Variants in TGM2 observed in about 807,000 individuals in gnomAD.
TGM2 encodes the protein protein-glutamine gamma-glutamyltransferase 2.
TGM2 carries 53 observed loss-of-function variants against 75.6 expected under a neutral mutation model. That is an observed-to-expected ratio of 0.70 (90% confidence interval 0.56 to 0.88). The LOEUF is 0.88. Ranked by LOEUF, TGM2 falls within the 40% of genes least tolerant of loss-of-function variation. TGM2 has a pLI of 0.00. For synonymous variants in TGM2, 374 were observed against 381.1 expected (o/e 0.98, Z 0.22); for missense variants, 842 against 928.5 (o/e 0.91, Z 1.21).
At chr20:38,164,417 G>A (rs961969991) in intron 1 of TGM2, among the ~76,000 whole-genome samples, 1 of 152,138 alleles carries the variant, frequency 6.6e-6, no homozygotes, top group African/African-American at 2.4e-5. Flanking sequence ...TGGGACCTAC[G>A]AGAGTGCTGC....
intron 1 of TGM2, among the ~76,000 whole-genome samples, chr20:38,163,381 T>G (rs1169912678): frequency 6.6e-6 from 1 of 152,232 alleles, no homozygotes; most frequent in African/African-American, 2.4e-5. Context: ...CACCATCGAC[T>G]ATTCCAAAAA....
chr20:38,156,133 C>T, intron 2 of TGM2, 44 bp from the exon 3 acceptor site: 1 of 1,597,098 alleles, frequency 6.3e-7, no homozygotes, highest in Non-Finnish European at 8.5e-7. Context: ...GGTAGCAGGG[C>T]TGGCAGGGCA....
chr20:38,141,972 C>A (rs2281197), intron 7 of TGM2, 92 bp downstream of exon 7: 30 of 1,528,296 alleles, frequency 2.0e-5, no homozygotes, highest in Middle Eastern at 3.4e-4. Context: ...AGGCCCAATT[C>A]AAATGTGACC....
chr20:38,133,224 T>C, intron 10 of TGM2: 1 of 221,780 alleles, frequency 4.5e-6, no homozygotes, highest in Non-Finnish European at 9.3e-6. Context: ...CTCGTGATGC[T>C]GTACCCGTTG....
Position 38,138,277 on chromosome 20 carries a change from T to C in TGM2, c.1451A>G (p.Asn484Ser). The C allele has an allele frequency of 6.2e-7, 1 of 1,614,164 alleles. No homozygotes were observed. The highest frequency in any genetic ancestry group is 8.5e-7 in the Non-Finnish European group (1 of 1,180,014). ...AAAGACGTCAAAGTCACTGCCCATG[T>C]TCATGCTCTGGCCCACACGGATCCG... The part of the protein sequence containing the change: ...AMRIRVGQSM[N>S]MGSDFDVFAH... Residue 484 changes from asparagine (N) to serine (S), a missense_variant, in exon 10 of 13, where the codon AAC becomes AGC. Asn to Ser is a conservative substitution (Grantham distance 46). Transcript: ENST00000361475.
At position 38,152,321 on chromosome 20, in the gene TGM2, T is replaced by A. The variant is rs45470591; in HGVS notation, c.434-1264A>T. Among the ~76,000 whole-genome samples the A allele has an allele frequency of 9.1e-3, 1,391 of 152,302 alleles. 27 individuals are homozygous for A. Among genetic ancestry groups the A allele is most frequent in the African/African-American group, 0.032 (1,322 of 41,556 alleles). ...GTCTGCAGCAACCAGCAGCCCTGAC[T>A]TTCATCGTAGTGAGGAAAAATGGGA... On this transcript the variant is annotated intron_variant, in intron 3 of 12. Coordinates refer to ENST00000361475, the MANE Select transcript of TGM2 (RefSeq NM_004613.4).
Position 38,149,658 on chromosome 20 carries a change from A to G in TGM2, c.552+1281T>C, listed in dbSNP as rs575241571. 1.1e-3 allele frequency among the ~76,000 whole-genome samples: 159 copies of G among 142,902 alleles called. 1 individual carries two copies. The highest frequency in any genetic ancestry group is 4.0e-3 in the African/African-American group (143 of 35,518). 93.7% of individuals were successfully genotyped at this position (142,902 alleles called of 152,430 possible). A position where few individuals can be genotyped will look rare whatever the true frequency, so the allele number is the denominator to read the frequency against. On this transcript the variant is annotated intron_variant, in intron 4 of 12. Transcript: ENST00000361475. ...TGCACCACTGCACTCCAGCCTGGGCAACAGAGCGAGACTCCGCCTCAAAAA... is the reference window on the plus strand; with the variant it reads ...TGCACCACTGCACTCCAGCCTGGGCGACAGAGCGAGACTCCGCCTCAAAAA...
chr20:38,141,355 C>T lies in TGM2; in HGVS notation c.1026G>A (p.Met342Ile). 6.3e-7 allele frequency: 1 copy of T among 1,588,580 alleles called. No individual in the cohort carries two copies. The highest frequency in any genetic ancestry group is 8.6e-7 in the Non-Finnish European group (1 of 1,167,346). ...ACCCCGGCTGCAGGTCCGGCCTGGT[C>T]ATCCACGACTCCACCCAGCAGTGGA... ...WNFHCWVESWMTRPDLQPGYE... is the reference protein window; with the variant it reads ...WNFHCWVESWITRPDLQPGYE... The change falls in exon 8 of 13, where the codon ATG (methionine) becomes ATA (isoleucine). Residue 342 changes from methionine (M) to isoleucine (I), a missense_variant. Coordinates refer to ENST00000361475, the MANE Select transcript of TGM2 (RefSeq NM_004613.4).
rs749461695 is a variant in TGM2 at position 38,165,171 on chromosome 20, G to A, written c.10+18C>T. 1.1e-5 allele frequency: 18 copies of A among 1,613,212 alleles called. 1 individual carries two copies. The Admixed American group carries it at 2.8e-4, about 25-fold the overall frequency. On this transcript the variant is annotated intron_variant, in intron 1 of 12. Coordinates refer to ENST00000361475, the MANE Select transcript of TGM2 (RefSeq NM_004613.4). Reference sequence around the variant, plus strand: ...CCCGGGGCCCCTGAGTGGCGGCTGCGGTGACTCTGATACTCACCCTCGGCC... The same window carrying A: ...CCCGGGGCCCCTGAGTGGCGGCTGCAGTGACTCTGATACTCACCCTCGGCC...
intron 6 of TGM2, among the ~76,000 whole-genome samples, chr20:38,143,907 CA>C (rs1327414254): frequency 2.0e-5 from 3 of 152,180 alleles, no homozygotes; most frequent in Non-Finnish European, 4.4e-5. Context: ...GGATTCCTGC[CA>C]GGAGATTTGT....
In TGM2 at chr20:38,139,593, C is replaced by T; in HGVS notation, c.1161G>A (p.Lys387=). The T allele has an allele frequency of 6.2e-7, 1 of 1,614,214 alleles. No individual in the cohort carries two copies. The highest frequency in any genetic ancestry group is 1.1e-5 in the South Asian group (1 of 91,084). Residue 387 remains lysine, a synonymous_variant, in exon 9 of 13, where the codon AAG becomes AAA. Coordinates refer to ENST00000361475, the MANE Select transcript of TGM2 (RefSeq NM_004613.4). ...CCGCAAAGACAAAGGGCGCATCGTACTTGGTGCTCAGGTCGCCCTCCTTGA... is the reference window on the plus strand; with the variant it reads ...CCGCAAAGACAAAGGGCGCATCGTATTTGGTGCTCAGGTCGCCCTCCTTGA... ...RAIKEGDLST[K]YDAPFVFAEV... is the part of the protein sequence containing the mutation.
rs764031636 is a variant in TGM2, at chr20:38,130,224, C to T, written c.2059G>A (p.Ala687Thr). The part of the protein sequence containing the change: ...KGFRNVIIGP[A>T] ...AGGCTGGGAGCAGGGGTCCCTTAGG[C>T]GGGGCCAATGATGACATTCCGGAAG... The change falls in exon 13 of 13, where the codon GCC (alanine) becomes ACC (threonine). Residue 687 changes from alanine to threonine, a missense_variant. Physicochemically the swap from Ala to Thr is moderately conservative, Grantham distance 58. Transcript: ENST00000361475. 20 of 1,613,232 alleles carry T rather than the reference C, an allele frequency of 1.2e-5. No individual in the cohort carries two copies. The highest frequency in any genetic ancestry group is 5.0e-5 in the Admixed American group (3 of 59,978).
chr20:38,153,587 C>G (rs2122942449), intron 3 of TGM2, among the ~76,000 whole-genome samples: 1 of 149,826 alleles, frequency 6.7e-6, no homozygotes, highest in African/African-American at 2.5e-5. Flanking sequence ...GTGGACAGAG[C>G]CTCACGGTGT....
intron 10 of TGM2, among the ~76,000 whole-genome samples, chr20:38,134,051 G>A (rs1049914378): frequency 1.3e-5 from 2 of 152,234 alleles, no homozygotes; most frequent in African/African-American, 4.8e-5. Flanking sequence ...GATTGGCAAG[G>A]CTTAGGAGGC....
intron 4 of TGM2, among the ~76,000 whole-genome samples, chr20:38,150,557 G>T (rs1162251516): frequency 6.6e-6 from 1 of 152,170 alleles, no homozygotes; most frequent in Non-Finnish European, 1.5e-5. Flanking sequence ...CTGGGTGAGG[G>T]TTTAAAGCCT....
At chr20:38,160,672 G>A (rs529138900) in intron 2 of TGM2, among the ~76,000 whole-genome samples, 4 of 152,290 alleles carry the variant, frequency 2.6e-5, no homozygotes, top group African/African-American at 9.6e-5. Flanking sequence ...GAACTGCTGG[G>A]ACCCAGAACT....
At chr20:38,167,666 C>G (rs575219662), upstream of TGM2, among the ~76,000 whole-genome samples, 1 of 152,270 alleles carries the variant, frequency 6.6e-6, no homozygotes, top group South Asian at 2.1e-4. Context: ...CTCTTCTTGA[C>G]CACAGTGTCC....
chr20:38,158,343 CCTTGGCTGCGGTTCTACACCATCCT>C (rs1185805793), intron 2 of TGM2, among the ~76,000 whole-genome samples: 1 of 152,122 alleles, frequency 6.6e-6, no homozygotes, highest in Non-Finnish European at 1.5e-5. Flanking sequence ...TTCACAAATT[CCTTGGCTGCGGTTCTACACCATCCT>C]CTTTGTGAGA....
chr20:38,153,122 C>T (rs560480807), intron 3 of TGM2, among the ~76,000 whole-genome samples: 4 of 152,112 alleles, frequency 2.6e-5, no homozygotes, highest in Admixed American at 2.0e-4. Flanking sequence ...TGCTCGTTGA[C>T]GCATGGTCCC....
Sources: allele counts gnomAD v4.1 joint callset (sites outside exome capture counted in the v4.1 genomes callset), GRCh38; gene constraint gnomAD v4.1.1; transcripts MANE v1.5; gene names NCBI Gene and HGNC (gene_info 2026-07-23, HGNC 2026-07-21).